The following BMPR1A variants were observed in gnomAD, a reference collection of about 807,000 sequenced individuals.
BMPR1A encodes the protein bone morphogenetic protein receptor type-1A.
In BMPR1A, 7 loss-of-function variants were observed where a neutral mutation model predicts 66.0. The ratio of observed to expected loss-of-function variants is 0.11; its 90% CI spans 0.06 to 0.20. The LOEUF (loss-of-function observed/expected upper bound fraction) is 0.20, where lower values mean the gene tolerates loss of function less well. Ranked by LOEUF, BMPR1A falls within the 10% of genes least tolerant of loss-of-function variation. The pLI is 1.00. For synonymous variants in BMPR1A, 200 were observed against 229.7 expected, an observed-to-expected ratio of 0.87 and a Z score of 1.17; for missense variants, 408 against 669.1, an observed-to-expected ratio of 0.61 and a Z score of 4.31.
At chr10:86,879,289 A>G (rs556622799) in intron 3 of BMPR1A, among the ~76,000 whole-genome samples, 7 of 152,218 alleles carry the variant, frequency 4.6e-5, no homozygotes, top group Admixed American at 3.9e-4. Context: ...TTTTTAATTG[A>G]TAAATCTTTC....
chr10:86,917,169 C>A lies in BMPR1A; in HGVS notation c.711C>A (p.Val237=), dbSNP rs1554890747. The A allele has an allele frequency of 1.2e-6, 2 of 1,613,972 alleles. No individual in the cohort carries two copies. ...QRTIAKQIQM[V]RQVGKGRYGE... is the part of the protein sequence containing the mutation. Reference sequence around the variant, plus strand: ...CTATTGCCAAACAGATTCAGATGGTCCGGCAAGTTGGTAAAGGCCGATATG... The same window carrying A: ...CTATTGCCAAACAGATTCAGATGGTACGGCAAGTTGGTAAAGGCCGATATG... Residue 237 remains valine (V), a synonymous_variant, in exon 9 of 13, where the codon GTC becomes GTA. Coordinates refer to ENST00000372037, the MANE Select transcript of BMPR1A (RefSeq NM_004329.3).
chr10:86,803,453 T>C (rs1841841002), intron 1 of BMPR1A, among the ~76,000 whole-genome samples: 1 of 152,216 alleles, frequency 6.6e-6, no homozygotes, highest in Admixed American at 6.5e-5. Flanking sequence ...TAGACATTTT[T>C]TTCCCCATTA....
intron 1 of BMPR1A, among the ~76,000 whole-genome samples, chr10:86,814,158 G>A (rs930465687): frequency 2.0e-5 from 3 of 152,058 alleles, no homozygotes; most frequent in Non-Finnish European, 4.4e-5. Context: ...TGCAATGTGT[G>A]CCTTAAATAT....
At chr10:86,876,536 C>T (rs1295316214) in intron 3 of BMPR1A, among the ~76,000 whole-genome samples, 3 of 152,102 alleles carry the variant, frequency 2.0e-5, no homozygotes, top group South Asian at 4.2e-4. Flanking sequence ...GTAATCCCAG[C>T]GCTTTGGGAG....
chr10:86,871,776 TGGGCAA>T (rs1842858225), intron 2 of BMPR1A, among the ~76,000 whole-genome samples: 1 of 150,554 alleles, frequency 6.6e-6, no homozygotes, highest in African/African-American at 2.4e-5. Context: ...CACTTCAGCC[TGGGCAA>T]CAGAGTGAGA....
intron 1 of BMPR1A, among the ~76,000 whole-genome samples, chr10:86,781,224 C>T (rs1273555328): frequency 1.3e-5 from 2 of 152,114 alleles, no homozygotes; most frequent in African/African-American, 2.4e-5. Context: ...GAGTGTTGGG[C>T]GTCTGCTTTT....
chr10:86,827,126 C>G (rs1217969836), intron 1 of BMPR1A, among the ~76,000 whole-genome samples: 1 of 152,006 alleles, frequency 6.6e-6, no homozygotes, highest in African/African-American at 2.4e-5. Context: ...GACAATTATT[C>G]CTCCCTTCCC....
At chr10:86,845,375 C>T (rs1196382209) in intron 2 of BMPR1A, among the ~76,000 whole-genome samples, 1 of 152,184 alleles carries the variant, frequency 6.6e-6, no homozygotes, top group African/African-American at 2.4e-5. Context: ...ATGCATGCAC[C>T]AACTTTCACC....
At chr10:86,802,190 G>A (rs529746960) in intron 1 of BMPR1A, among the ~76,000 whole-genome samples, 10 of 152,186 alleles carry the variant, frequency 6.6e-5, no homozygotes, top group African/African-American at 2.2e-4. Flanking sequence ...TCTGCATATA[G>A]CCTTCCACCT....
intron 7 of BMPR1A, among the ~76,000 whole-genome samples, chr10:86,907,807 G>A (rs1485127836): frequency 6.6e-6 from 1 of 152,192 alleles, no homozygotes; most frequent in Non-Finnish European, 1.5e-5. Context: ...CCAGAGGTTA[G>A]AAAGGAGGGA....
intron 1 of BMPR1A, among the ~76,000 whole-genome samples, chr10:86,837,669 G>T (rs1335429681): frequency 1.3e-5 from 2 of 152,176 alleles, no homozygotes; most frequent in African/African-American, 2.4e-5. Context: ...CTGAGCGACA[G>T]CCTGAGAGTT....
chr10:86,863,656 A>G (rs1451685327), intron 2 of BMPR1A, among the ~76,000 whole-genome samples: 9 of 152,140 alleles, frequency 5.9e-5, no homozygotes, highest in Non-Finnish European at 1.0e-4. Context: ...AGCTGCCAGC[A>G]GTTTCTGGGA....
intron 1 of BMPR1A, among the ~76,000 whole-genome samples, chr10:86,799,505 C>T (rs28564203): frequency 2.1e-4 from 12 of 58,164 alleles, no homozygotes; most frequent in East Asian, 1.8e-3. Flanking sequence ...TTCCTTCCTT[C>T]CTTTCTTTTC....
At chr10:86,834,669 A>G (rs1220964045) in intron 1 of BMPR1A, among the ~76,000 whole-genome samples, 2 of 152,186 alleles carry the variant, frequency 1.3e-5, no homozygotes, top group African/African-American at 2.4e-5. Flanking sequence ...AGGTGGTTAC[A>G]TGTTTATTAT....
At chr10:86,836,403 G>C (rs1348143871) in intron 1 of BMPR1A, among the ~76,000 whole-genome samples, 2 of 152,150 alleles carry the variant, frequency 1.3e-5, no homozygotes, top group Admixed American at 1.3e-4. Context: ...TCTGAGTAAT[G>C]AAGTCAAATC....
intron 3 of BMPR1A, among the ~76,000 whole-genome samples, chr10:86,881,361 G>A (rs535773069): frequency 1.3e-5 from 2 of 152,310 alleles, no homozygotes; most frequent in South Asian, 4.1e-4. Flanking sequence ...AACATGAACT[G>A]TGCCACCTGT....
intron 1 of BMPR1A, among the ~76,000 whole-genome samples, chr10:86,768,440 T>A (rs955996159): frequency 1.3e-5 from 2 of 152,210 alleles, no homozygotes; most frequent in Non-Finnish European, 2.9e-5. Context: ...ATAGTAACTT[T>A]AATTGTGTTC....
chr10:86,766,026 C>T (rs1841157131), intron 1 of BMPR1A, among the ~76,000 whole-genome samples: 1 of 125,542 alleles, frequency 8.0e-6, no homozygotes, highest in South Asian at 2.7e-4. Flanking sequence ...TGTTCTGTTG[C>T]CCAGGCTGCA....
chr10:86,769,924 A>C lies in BMPR1A; in HGVS notation c.-268+13005A>C, dbSNP rs150972217. Among the ~76,000 whole-genome samples the C allele has an allele frequency of 9.2e-5, 14 of 152,220 alleles. No individual in the cohort carries two copies. In the East Asian group the frequency reaches 2.5e-3, roughly 27 times the overall value. ...GACCTTCTTTTAGTTCAGGTGGGTA[A>C]TGCAGATGTAACCAGGCACCAGCCT... On this transcript the variant is annotated intron_variant, in intron 1 of 12. Transcript: ENST00000372037.
Sources: allele counts gnomAD v4.1 joint callset (sites outside exome capture counted in the v4.1 genomes callset), GRCh38; gene constraint gnomAD v4.1.1; transcripts MANE v1.5; gene names NCBI Gene and HGNC (gene_info 2026-07-23, HGNC 2026-07-21).